The following GRID2 variants were observed in gnomAD, a reference collection of about 807,000 sequenced individuals.
GRID2 encodes glutamate receptor ionotropic, delta-2.
Under a neutral mutation model 114.8 loss-of-function variants are expected in GRID2, and 33 were observed. The observed-to-expected ratio is 0.29, with a 90% CI of 0.22 to 0.38. The LOEUF is 0.38. Among genes scored for constraint, GRID2 ranks in the 10% least tolerant of loss-of-function variants. The pLI is 1.00. For missense variants in GRID2, 1,184 were observed against 1,257.7 expected, an observed-to-expected ratio of 0.94 and a Z score of 0.89; for synonymous variants, 505 against 449.9, an observed-to-expected ratio of 1.12 and a Z score of -1.55.
chr4:93,686,479 G>T (rs1356792988), intron 14 of GRID2, among the ~76,000 whole-genome samples: 2 of 150,408 alleles, frequency 1.3e-5, no homozygotes, highest in Non-Finnish European at 3.0e-5. Context: ...AGATATAGAA[G>T]TAAACAGACG....
At chr4:93,366,790 C>G (rs1006025801) in intron 8 of GRID2, among the ~76,000 whole-genome samples, 1 of 151,762 alleles carries the variant, frequency 6.6e-6, no homozygotes, top group Admixed American at 6.6e-5. Flanking sequence ...TCAAGCTGGC[C>G]GACGCTTAAG....
intron 2 of GRID2, among the ~76,000 whole-genome samples, chr4:93,027,662 C>G (rs1314587522): frequency 6.6e-6 from 1 of 152,006 alleles, no homozygotes; most frequent in Non-Finnish European, 1.5e-5. Flanking sequence ...CAGTGAAATT[C>G]AGAAATTGAT....
chr4:92,479,646 A>C (rs566866062), intron 1 of GRID2, among the ~76,000 whole-genome samples: 1 of 152,290 alleles, frequency 6.6e-6, no homozygotes, highest in Admixed American at 6.5e-5. Flanking sequence ...GATAGTTATA[A>C]AGTTGCTGCT....
chr4:92,746,718 T>C (rs564277809), intron 2 of GRID2, among the ~76,000 whole-genome samples: 2 of 152,246 alleles, frequency 1.3e-5, no homozygotes, highest in South Asian at 4.1e-4. Flanking sequence ...TCTGTATTTC[T>C]AGTCTGTCAC....
At chr4:93,311,143 A>G (rs1387045999) in intron 8 of GRID2, among the ~76,000 whole-genome samples, 3 of 152,198 alleles carry the variant, frequency 2.0e-5, no homozygotes, top group African/African-American at 7.2e-5. Context: ...TTGAAAAGCC[A>G]GACACAAGAA....
chr4:92,463,903 ATC>A (rs1721616242), intron 1 of GRID2, among the ~76,000 whole-genome samples: 1 of 151,764 alleles, frequency 6.6e-6, no homozygotes, highest in Non-Finnish European at 1.5e-5. Flanking sequence ...TTATCTTCCC[ATC>A]TCTCTGCTTC....
chr4:93,034,615 A>G (rs1724745837), intron 2 of GRID2, among the ~76,000 whole-genome samples: 1 of 152,268 alleles, frequency 6.6e-6, no homozygotes, highest in East Asian at 1.9e-4. Flanking sequence ...TGTCCCAACA[A>G]GTGTGTGACC....
chr4:92,921,315 T>G (rs1488368421), intron 2 of GRID2, among the ~76,000 whole-genome samples: 2 of 151,806 alleles, frequency 1.3e-5, no homozygotes, highest in Non-Finnish European at 2.9e-5. Context: ...TAGTGCAGAG[T>G]AGTTTGATCG....
chr4:93,704,192 T>C (rs1014786461), intron 14 of GRID2, among the ~76,000 whole-genome samples: 4 of 152,180 alleles, frequency 2.6e-5, no homozygotes, highest in African/African-American at 4.8e-5. Flanking sequence ...GCCATTCTAA[T>C]TGGTGTGAGA....
chr4:93,354,021 A>G (rs1560530972), intron 8 of GRID2, among the ~76,000 whole-genome samples: 1 of 135,506 alleles, frequency 7.4e-6, no homozygotes, highest in Non-Finnish European at 1.5e-5. Flanking sequence ...AAGCACACAC[A>G]TGCACACACA....
intron 2 of GRID2, among the ~76,000 whole-genome samples, chr4:92,710,768 T>C (rs1735205486): frequency 6.6e-6 from 1 of 152,158 alleles, no homozygotes; most frequent in Middle Eastern, 3.2e-3. Context: ...ATACAGACTG[T>C]AAGTAAATAA....
At chr4:92,411,926 C>CT (rs1731354841) in intron 1 of GRID2, among the ~76,000 whole-genome samples, 1 of 151,742 alleles carries the variant, frequency 6.6e-6, no homozygotes, top group Non-Finnish European at 1.5e-5. Context: ...AGGATGGTCT[C>CT]TATCTCTTGA....
chr4:92,905,915 C>G (rs1329841452), intron 2 of GRID2, among the ~76,000 whole-genome samples: 1 of 152,040 alleles, frequency 6.6e-6, no homozygotes, highest in Non-Finnish European at 1.5e-5. Context: ...ACTGAGTTCG[C>G]TCTATAATTA....
At chr4:92,715,861 A>T (rs1735519409) in intron 2 of GRID2, among the ~76,000 whole-genome samples, 1 of 151,968 alleles carries the variant, frequency 6.6e-6, no homozygotes, top group Admixed American at 6.6e-5. Flanking sequence ...AAATATCAGT[A>T]AGTTGAATTT....
chr4:93,706,902 G>T (rs1167044301), intron 14 of GRID2, among the ~76,000 whole-genome samples: 1 of 151,976 alleles, frequency 6.6e-6, no homozygotes, highest in African/African-American at 2.4e-5. Context: ...ACTCAGTTTT[G>T]TGGGAGTTTT....
At chr4:93,775,201 T>C (rs570614716), downstream of GRID2, among the ~76,000 whole-genome samples, 1 of 152,260 alleles carries the variant, frequency 6.6e-6, no homozygotes. Context: ...AAATAATTCT[T>C]TGAATATTGG....
intron 13 of GRID2, among the ~76,000 whole-genome samples, chr4:93,602,302 A>G (rs1463183110): frequency 1.3e-5 from 2 of 152,196 alleles, no homozygotes; most frequent in East Asian, 3.9e-4. Context: ...TTACCTGTAT[A>G]GTCAGTCTAA....
intron 2 of GRID2, among the ~76,000 whole-genome samples, chr4:93,036,595 A>G (rs1724958935): frequency 1.3e-5 from 2 of 152,186 alleles, no homozygotes; most frequent in Non-Finnish European, 2.9e-5. Flanking sequence ...ATAAAAAGAT[A>G]AGGAAGTTAG....
intron 1 of GRID2, among the ~76,000 whole-genome samples, chr4:92,584,624 T>G (rs917089165): frequency 1.2e-4 from 19 of 152,012 alleles, no homozygotes; most frequent in Admixed American, 1.2e-3. Flanking sequence ...TTCATCAATT[T>G]TATAACCTTC....
Sources: gnomAD v4.1 joint callset for allele counts (sites outside exome capture counted in the v4.1 genomes callset) on GRCh38, gnomAD v4.1.1 for gene constraint, MANE v1.5 for transcripts, NCBI Gene and HGNC (gene_info 2026-07-23, HGNC 2026-07-21) for gene names.